SLC4A8: variants seen among roughly 807,000 people sequenced by gnomAD.
SLC4A8 encodes electroneutral sodium bicarbonate exchanger 1.
Under a neutral mutation model 125.0 loss-of-function variants are expected in SLC4A8, and 40 were observed. The ratio of observed to expected loss-of-function variants is 0.32; its 90% CI spans 0.25 to 0.42. The LOEUF is 0.42. Ranked by LOEUF, SLC4A8 falls within the 10% of genes least tolerant of loss-of-function variation. The pLI is 1.00. For missense variants in SLC4A8, 863 were observed against 1,355.1 expected, an observed-to-expected ratio of 0.64 and a Z score of 5.70; for synonymous variants, 456 against 476.0, an observed-to-expected ratio of 0.96 and a Z score of 0.55.
chr12:51,411,413 C>T (rs73095154), intron 1 of SLC4A8, among the ~76,000 whole-genome samples: 12,866 of 151,940 alleles, frequency 0.085, 614 homozygotes, highest in East Asian at 0.22. Context: ...CATAGCAAAA[C>T]GCCATCTCTA....
Position 51,483,750 on chromosome 12 carries a change from T to A in SLC4A8, c.2173-2037T>A, listed in dbSNP as rs543659646. 1.1e-4 allele frequency among the ~76,000 whole-genome samples: 16 copies of A among 152,264 alleles called. No homozygotes were observed. The East Asian group carries it at 1.5e-3, about 15-fold the overall frequency. On this transcript the variant is annotated intron_variant, in intron 16 of 24. Coordinates refer to ENST00000453097, the MANE Select transcript of SLC4A8 (RefSeq NM_001039960.3). ...ATTTTAACAGGGATTCTTTTTTTTT[T>A]AATTATACTTTAAGTTCTAGGGTAC...
intron 18 of SLC4A8, 142 bp downstream of exon 18, chr12:51,489,002 G>T (rs142296355): frequency 2.5e-4 from 162 of 646,136 alleles, no homozygotes; most frequent in African/African-American, 2.5e-3. Context: ...TAATAACAAA[G>T]ATTTCTTTGG....
chr12:51,515,533 C>A lies in SLC4A8; in HGVS notation c.*8095C>A, dbSNP rs1592294322. ...ATATATTTTTAGTGTAAGAAATGTA[C>A]CCTCTCCACACTCCATGATGTAAAT... is the stretch of plus-strand genomic sequence containing the variant. On this transcript the variant is annotated 3_prime_UTR_variant, in exon 25 of 25. Coordinates refer to ENST00000453097, the MANE Select transcript of SLC4A8 (RefSeq NM_001039960.3). The A allele has an allele frequency of 6.6e-6, 1 of 151,946 alleles. No individual in the cohort carries two copies. The highest frequency in any genetic ancestry group is 1.9e-4 in the East Asian group (1 of 5,192). 9.4% of individuals were successfully genotyped at this position (151,946 alleles called of 1,614,324 possible).
chr12:51,458,680 A>C (rs762577578), intron 7 of SLC4A8, 30 bp downstream of exon 7: 12 of 1,470,458 alleles, frequency 8.2e-6, no homozygotes, highest in Non-Finnish European at 1.0e-5. Context: ...GTTGGCTTCA[A>C]GGCCTAAGGT....
At chr12:51,425,819 T>C (rs920883532) in intron 1 of SLC4A8, among the ~76,000 whole-genome samples, 1 of 152,176 alleles carries the variant, frequency 6.6e-6, no homozygotes, top group Admixed American at 6.5e-5. Flanking sequence ...CCCCAGCTAT[T>C]AAAATGGGAA....
chr12:51,486,007 C>T (rs2138383073), intron 17 of SLC4A8, 107 bp downstream of exon 17: 1 of 647,850 alleles, frequency 1.5e-6, no homozygotes, highest in Non-Finnish European at 2.8e-6. Context: ...TTTACAGTCC[C>T]CTAAATCTGA....
At chr12:51,440,440 C>T (rs116786389) in intron 1 of SLC4A8, among the ~76,000 whole-genome samples, 2,215 of 150,982 alleles carry the variant, frequency 0.015, 71 homozygotes, top group African/African-American at 0.052. Flanking sequence ...GACCTAGGCT[C>T]AGTCCTAGCT....
At position 51,480,066 on chromosome 12, in the gene SLC4A8, G is replaced by A. The variant is rs183445086; in HGVS notation, c.2172+4860G>A. ...CTCACTGCAACCTCCGCCTCCTCCC[G>A]AGTAGCTGGGACTACAGGCACGCAC... is the stretch of plus-strand genomic sequence containing the variant. On this transcript the variant is annotated intron_variant, in intron 16 of 24. Transcript: ENST00000453097. 61 of 360,360 alleles carry A rather than the reference G, an allele frequency of 1.7e-4. No homozygotes were observed. The East Asian group carries it at 3.1e-3, about 18-fold the overall frequency. The allele number at this position is 360,360 out of a possible 1,614,324, so 22.3% of individuals were successfully genotyped here. A position where few individuals can be genotyped will look rare whatever the true frequency, so the allele number is the denominator to read the frequency against.
At chr12:51,475,931 A>G (rs1006324437) in intron 16 of SLC4A8, among the ~76,000 whole-genome samples, 1 of 152,202 alleles carries the variant, frequency 6.6e-6, no homozygotes, top group Middle Eastern at 3.2e-3. Context: ...GTCACATGGA[A>G]ACATCTATAA....
At position 51,461,295 on chromosome 12, in the gene SLC4A8, T is replaced by C. The variant is rs201416933; in HGVS notation, c.1101+4T>C. Reference sequence around the variant, plus strand: ...GGCCACCATCATGACAGATGAGGTATGTGCAACTTTTGCTTCAGTCTTCCA... The same window carrying C: ...GGCCACCATCATGACAGATGAGGTACGTGCAACTTTTGCTTCAGTCTTCCA... On this transcript the variant is annotated splice_donor_region_variant and intron_variant, in intron 9 of 24. Coordinates refer to ENST00000453097, the MANE Select transcript of SLC4A8 (RefSeq NM_001039960.3). The C allele has an allele frequency of 7.7e-4, 1,209 of 1,566,326 alleles. 1 individual carries two copies. Among genetic ancestry groups the C allele is most frequent in the Non-Finnish European group, 9.8e-4 (1,113 of 1,136,672 alleles).
intron 1 of SLC4A8, among the ~76,000 whole-genome samples, chr12:51,410,715 C>T (rs533107034): frequency 2.5e-4 from 38 of 152,236 alleles, no homozygotes; most frequent in African/African-American, 9.1e-4. Context: ...CTGCCTCGGC[C>T]TCCCAAAGTG....
chr12:51,469,081 T>C (rs999578953), intron 11 of SLC4A8: 2 of 153,160 alleles, frequency 1.3e-5, no homozygotes, highest in South Asian at 2.1e-4. Context: ...GTCTTGCTCA[T>C]TGCCGCATCT....
intron 2 of SLC4A8, 186 bp from the exon 3 acceptor site, chr12:51,450,690 A>C: frequency 3.2e-6 from 2 of 615,616 alleles, no homozygotes; most frequent in Non-Finnish European, 5.7e-6. Context: ...GGACAAAGGA[A>C]GAGACCTTCA....
At chr12:51,458,761 T>G (rs1950231703) in intron 7 of SLC4A8, 111 bp downstream of exon 7, 7 of 731,964 alleles carry the variant, frequency 9.6e-6, no homozygotes, top group Non-Finnish European at 1.4e-5. Flanking sequence ...ACTCTTTCCC[T>G]AAGACTAGAG....
At chr12:51,424,054 C>CAAAAAAAAAAAAAAAAAAAAAAAAAAAAA (rs1334821004), upstream of SLC4A8, among the ~76,000 whole-genome samples, 1 of 77,442 alleles carries the variant, frequency 1.3e-5, no homozygotes, top group African/African-American at 4.6e-5. Flanking sequence ...AAAAAAAAAA[C>CAAAAAAAAAAAAAAAAAAAAAAAAAAAAA]AAAAAAAACA....
rs185977181 is a variant in SLC4A8, at chr12:51,503,070, C to T, written c.3082-959C>T. On this transcript the variant is annotated intron_variant, in intron 22 of 24. Transcript: ENST00000453097. ...TGTTAGCCAGGGTGGTCTCGATCTC[C>T]TGACCTCGTGATCCGCCCACCTCAG... is the stretch of plus-strand genomic sequence containing the variant. Among the ~76,000 whole-genome samples, 342 of 151,168 alleles carry T rather than the reference C, an allele frequency of 2.3e-3. 2 individuals carry two copies. Among genetic ancestry groups the T allele is most frequent in the Non-Finnish European group, 4.0e-3 (273 of 67,766 alleles).
In SLC4A8 at chr12:51,468,801, G is replaced by A. The variant is rs544353307; in HGVS notation, c.1350-813G>A. On this transcript the variant is annotated intron_variant, in intron 11 of 24. Transcript: ENST00000453097. ...ATAATGAATAAAACCATTTTTTAAG[G>A]CCTTTTTGACTTAGCTTCTCCAGCC... Among the ~76,000 whole-genome samples, 8 of 152,200 alleles carry A rather than the reference G, an allele frequency of 5.3e-5. No individual in the cohort carries two copies. The East Asian group carries it at 5.8e-4, about 11-fold the overall frequency.
At chr12:51,449,554 G>A (rs1345639458) in intron 2 of SLC4A8, among the ~76,000 whole-genome samples, 1 of 152,170 alleles carries the variant, frequency 6.6e-6, no homozygotes, top group African/African-American at 2.4e-5. Context: ...AAGATGTGGG[G>A]AATGGGTCTG....
intron 4 of SLC4A8, 58 bp downstream of exon 4, chr12:51,452,317 T>C: frequency 1.3e-6 from 2 of 1,585,412 alleles, no homozygotes; most frequent in Non-Finnish European, 1.7e-6. Flanking sequence ...TGTGTACCCT[T>C]CAGCAAGTGA....
Sources: gnomAD v4.1 joint callset for allele counts (sites outside exome capture counted in the v4.1 genomes callset) on GRCh38, gnomAD v4.1.1 for gene constraint, MANE v1.5 for transcripts, NCBI Gene and HGNC (gene_info 2026-07-23, HGNC 2026-07-21) for gene names.